Variants in NHSL2 observed in about 807,000 individuals in gnomAD.
NHSL2 encodes the protein NHS-like protein 2.
Under a neutral mutation model 53.4 loss-of-function variants are expected in NHSL2, and 27 were observed. The observed-to-expected ratio is 0.51, with a 90% CI of 0.37 to 0.70. The LOEUF (loss-of-function observed/expected upper bound fraction) is 0.70. NHSL2 is among the 30% of genes least tolerant of loss of function. The pLI is 0.00. For missense variants in NHSL2, 892 were observed against 980.1 expected (o/e 0.91, Z 1.20); for synonymous variants, 408 against 404.1 (o/e 1.01, Z -0.12).
At chrX:71,976,418 A>C (rs36018136) in intron 1 of NHSL2, among the ~76,000 whole-genome samples, 2,450 of 111,952 alleles carry the variant, frequency 0.022, 27 homozygotes, top group Non-Finnish European at 0.035. Context: ...AGCTGGAATA[A>C]GTACTCAATA....
chrX:72,130,937 A>G, intron 1 of NHSL2: 1 of 1,211,959 alleles, frequency 8.3e-7, no homozygotes, highest in South Asian at 1.8e-5. Flanking sequence ...GAGATGGCCC[A>G]GTCCTTGGCT....
In NHSL2 at chrX:72,102,577, G is replaced by A. The variant is rs1255174956; in HGVS notation, c.281-29502G>A. On this transcript the variant is annotated intron_variant, in intron 1 of 7. Coordinates refer to ENST00000633930, the MANE Select transcript of NHSL2 (RefSeq NM_001013627.3). ...GTTGAATCCTATGAAACTGTCCAAAGCATTTAAATGCCAGCAAATTTGTAT... is the reference window on the plus strand; with the variant it reads ...GTTGAATCCTATGAAACTGTCCAAAACATTTAAATGCCAGCAAATTTGTAT... 7.1e-5 allele frequency among the ~76,000 whole-genome samples: 8 copies of A among 112,249 alleles called. No individual in the cohort carries two copies. In the Admixed American group the frequency reaches 7.5e-4, roughly 11 times the overall value.
At chrX:71,995,714 G>A (rs778207607) in intron 1 of NHSL2, among the ~76,000 whole-genome samples, 10 of 112,141 alleles carry the variant, frequency 8.9e-5, no homozygotes, top group Admixed American at 2.8e-4. Context: ...GAGCCCCTCC[G>A]TTGTTTCATT....
chrX:72,033,311 C>T (rs1255863846), intron 1 of NHSL2, among the ~76,000 whole-genome samples: 2 of 109,182 alleles, frequency 1.8e-5, no homozygotes, highest in Non-Finnish European at 3.8e-5. Flanking sequence ...GTCAGCCTTC[C>T]AGGTAGCTGG....
intron 1 of NHSL2, among the ~76,000 whole-genome samples, chrX:71,941,163 G>A (rs187802008): frequency 6.2e-4 from 69 of 111,836 alleles, no homozygotes; most frequent in Non-Finnish European, 5.5e-4. Flanking sequence ...TTATGCTCAT[G>A]GCTTCTGCCT....
In NHSL2 at chrX:71,935,618, G is replaced by A. The variant is rs768572020; in HGVS notation, c.280+24251G>A. Among the ~76,000 whole-genome samples, 28 of 112,646 alleles carry A rather than the reference G, an allele frequency of 2.5e-4. No individual in the cohort carries two copies. In the South Asian group the frequency reaches 0.01, roughly 42 times the overall value. ...ACTCTGTAGCTTTAGTGTTTCTAGG[G>A]CCTCAGGGTGGGAGTTCACATTAGT... On this transcript the variant is annotated intron_variant, in intron 1 of 7. Transcript: ENST00000633930.
chrX:72,091,506 G>A lies in NHSL2; in HGVS notation c.281-40573G>A, dbSNP rs185556376. On this transcript the variant is annotated intron_variant, in intron 1 of 7. Transcript: ENST00000633930. ...TGCCAAACTGCCCACCAAAGAAGTT[G>A]TTTCAGTTGACCCTGCCACTAGCTG... Among the ~76,000 whole-genome samples, 281 of 112,054 alleles carry A rather than the reference G, an allele frequency of 2.5e-3. 3 individuals are homozygous for A. Among genetic ancestry groups the A allele is most frequent in the South Asian group, 0.017 (47 of 2,714 alleles).
chrX:71,917,259 C>CCCT (rs2041633199), intron 1 of NHSL2, among the ~76,000 whole-genome samples: 1 of 64,800 alleles, frequency 1.5e-5, no homozygotes, highest in African/African-American at 6.2e-5. Flanking sequence ...CTCTCCCTCC[C>CCCT]CCCTCCCTCC....
In NHSL2 at chrX:72,150,029, T is replaced by C. The variant is rs1205114878; in HGVS notation, c.*6455T>C. 4 of 112,912 alleles carry C rather than the reference T, an allele frequency of 3.5e-5. No individual in the cohort carries two copies. The highest frequency in any genetic ancestry group is 1.3e-4 in the African/African-American group (4 of 31,098). 9.3% of individuals were successfully genotyped at this position (112,912 alleles called of 1,213,427 possible). ...TAGAAGACCCACAGCTGGCTTCTAC[T>C]TTTATGACACATGAATTTCCCAGGT... On this transcript the variant is annotated 3_prime_UTR_variant, in exon 8 of 8. Transcript: ENST00000633930.
At position 72,096,606 on chromosome X, in the gene NHSL2, T is replaced by G. The variant is rs149500852; in HGVS notation, c.281-35473T>G. Among the ~76,000 whole-genome samples the G allele has an allele frequency of 6.8e-3, 770 of 112,419 alleles. 8 individuals are homozygous for G. Among genetic ancestry groups the G allele is most frequent in the African/African-American group, 0.023 (706 of 30,885 alleles). On this transcript the variant is annotated intron_variant, in intron 1 of 7. Transcript: ENST00000633930. Reference sequence around the variant, plus strand: ...AATTGTTTGCTTCCAATTTTTAAGTTGTTTTAAAATTGACAAATGTAATTA... The same window carrying G: ...AATTGTTTGCTTCCAATTTTTAAGTGGTTTTAAAATTGACAAATGTAATTA...
intron 1 of NHSL2, among the ~76,000 whole-genome samples, chrX:72,083,309 G>T (rs887969479): frequency 2.7e-5 from 3 of 113,144 alleles, no homozygotes; most frequent in Admixed American, 1.9e-4. Flanking sequence ...TTCACAGTCT[G>T]CGAAGTGGCA....
chrX:72,056,564 A>T (rs1177559156), intron 1 of NHSL2, among the ~76,000 whole-genome samples: 1 of 111,962 alleles, frequency 8.9e-6, no homozygotes, highest in Non-Finnish European at 1.9e-5. Context: ...ACACACACAC[A>T]CACACACACA....
At chrX:71,922,804 AC>A (rs1314426185) in intron 1 of NHSL2, among the ~76,000 whole-genome samples, 2 of 112,447 alleles carry the variant, frequency 1.8e-5, no homozygotes, top group Non-Finnish European at 3.8e-5. Context: ...CAGGAAACTT[AC>A]CCATTAAGAG....
At chrX:72,090,772 AGTGT>A (rs372070874) in intron 1 of NHSL2, among the ~76,000 whole-genome samples, 5,044 of 93,760 alleles carry the variant, frequency 0.054, 243 homozygotes, top group African/African-American at 0.15. Context: ...AGTGTATGTG[AGTGT>A]GTGTGTGTGT....
intron 1 of NHSL2, among the ~76,000 whole-genome samples, chrX:72,042,369 A>G (rs1406433636): frequency 1.8e-5 from 2 of 112,083 alleles, no homozygotes; most frequent in Non-Finnish European, 3.8e-5. Flanking sequence ...CCGGTGTGCT[A>G]CCTCTGCGAG....
At chrX:72,100,184 G>A (rs1273756309) in intron 1 of NHSL2, among the ~76,000 whole-genome samples, 1 of 111,730 alleles carries the variant, frequency 9.0e-6, no homozygotes, top group Admixed American at 9.5e-5. Context: ...TCACAATGGG[G>A]ATACGCTACG....
At chrX:71,911,616 G>A (rs1157517842) in intron 1 of NHSL2, among the ~76,000 whole-genome samples, 1 of 112,470 alleles carries the variant, frequency 8.9e-6, no homozygotes, top group African/African-American at 3.2e-5. Flanking sequence ...TGGGACTCCC[G>A]ACCCTGGGGT....
At position 72,036,539 on chromosome X, in the gene NHSL2, G is replaced by T. The variant is rs992897023; in HGVS notation, c.281-95540G>T. Reference sequence around the variant, plus strand: ...TTGTGTCTTTTGCCAAATTTGGGAAGTTTTTAGCCTTTCATTAGTCAAATA... The same window carrying T: ...TTGTGTCTTTTGCCAAATTTGGGAATTTTTTAGCCTTTCATTAGTCAAATA... On this transcript the variant is annotated intron_variant, in intron 1 of 7. Transcript: ENST00000633930. Among the ~76,000 whole-genome samples the T allele has an allele frequency of 8.0e-5, 9 of 112,381 alleles. No individual in the cohort carries two copies. In the East Asian group the frequency reaches 1.9e-3, roughly 24 times the overall value.
At chrX:71,951,809 A>G (rs774437120) in intron 1 of NHSL2, among the ~76,000 whole-genome samples, 3 of 111,910 alleles carry the variant, frequency 2.7e-5, no homozygotes, top group Non-Finnish European at 3.8e-5. Context: ...GAAGGCTGCA[A>G]CCTTACAGCC....
Sources: allele counts gnomAD v4.1 joint callset (sites outside exome capture counted in the v4.1 genomes callset), GRCh38; gene constraint gnomAD v4.1.1; transcripts MANE v1.5; gene names NCBI Gene and HGNC (gene_info 2026-07-23, HGNC 2026-07-21).